DIAPH1: variants seen among roughly 807,000 people sequenced by gnomAD.
DIAPH1 encodes the protein protein diaphanous homolog 1.
Under a neutral mutation model 140.7 loss-of-function variants are expected in DIAPH1, and 46 were observed. That is an observed-to-expected ratio of 0.33 (90% CI 0.26 to 0.42). The LOEUF (loss-of-function observed/expected upper bound fraction) is 0.42. Ranked by LOEUF, DIAPH1 falls within the 10% of genes least tolerant of loss-of-function variation. The pLI is 1.00. For missense variants in DIAPH1, 1,310 were observed against 1,558.7 expected, an observed-to-expected ratio of 0.84 and a Z score of 2.69; for synonymous variants, 565 against 551.6, an observed-to-expected ratio of 1.02 and a Z score of -0.34.
At chr5:141,551,817 C>T (rs1018769651) in intron 18 of DIAPH1, among the ~76,000 whole-genome samples, 1 of 152,148 alleles carries the variant, frequency 6.6e-6, no homozygotes, top group Non-Finnish European at 1.5e-5. Flanking sequence ...TGGAGACATA[C>T]AGAACACTTC....
intron 1 of DIAPH1, among the ~76,000 whole-genome samples, chr5:141,606,203 T>C (rs2099900923): frequency 6.6e-6 from 1 of 152,192 alleles, no homozygotes; most frequent in Non-Finnish European, 1.5e-5. Flanking sequence ...GTACTTTTTG[T>C]GGATATCCAG....
chr5:141,523,978 C>T (rs756810583), intron 27 of DIAPH1, among the ~76,000 whole-genome samples, 165 bp downstream of exon 27: 2 of 151,804 alleles, frequency 1.3e-5, no homozygotes, highest in African/African-American at 2.4e-5. Context: ...TTTTCTAAGT[C>T]GCTACTCTGT....
rs1396287555 is a variant in DIAPH1 at position 141,597,854 on chromosome 5, C to A, written c.118-9604G>T. ...ACTGTCAAGGATACTCATTCCCACA[C>A]CACAGAACTTTCCCGCTTTGACTTA... On this transcript the variant is annotated intron_variant, in intron 1 of 27. Transcript: ENST00000389054. Among the ~76,000 whole-genome samples the A allele has an allele frequency of 2.6e-5, 4 of 152,330 alleles. No homozygotes were observed. The East Asian group carries it at 7.7e-4, about 29-fold the overall frequency.
intron 18 of DIAPH1, among the ~76,000 whole-genome samples, chr5:141,540,180 G>C (rs1205919417): frequency 6.6e-6 from 1 of 151,738 alleles, no homozygotes; most frequent in Non-Finnish European, 1.5e-5. Flanking sequence ...GCAGTGACAT[G>C]ATCTCAGCCC....
At chr5:141,541,759 C>A (rs1271129071) in intron 18 of DIAPH1, among the ~76,000 whole-genome samples, 1 of 149,782 alleles carries the variant, frequency 6.7e-6, no homozygotes, top group Non-Finnish European at 1.5e-5. Flanking sequence ...AAATAAAGTA[C>A]CATAAGACAA....
chr5:141,557,202 T>C (rs2099892742), intron 18 of DIAPH1, among the ~76,000 whole-genome samples: 1 of 152,246 alleles, frequency 6.6e-6, no homozygotes, highest in African/African-American at 2.4e-5. Flanking sequence ...ATAAAGAATT[T>C]TTTAAATGTG....
At chr5:141,570,506 C>A (rs1055035589) in intron 18 of DIAPH1, among the ~76,000 whole-genome samples, 1 of 152,066 alleles carries the variant, frequency 6.6e-6, no homozygotes, top group Non-Finnish European at 1.5e-5. Flanking sequence ...TAGATACACA[C>A]ACACACATAT....
At chr5:141,548,754 C>A (rs2099891216) in intron 18 of DIAPH1, among the ~76,000 whole-genome samples, 2 of 152,028 alleles carry the variant, frequency 1.3e-5, no homozygotes, top group Non-Finnish European at 2.9e-5. Context: ...CTGCAGTGAG[C>A]CACAATCATG....
chr5:141,518,088 C>T (rs1007481017), intron 27 of DIAPH1, among the ~76,000 whole-genome samples: 1 of 152,174 alleles, frequency 6.6e-6, no homozygotes. Flanking sequence ...ATGTCCAGCA[C>T]AGGCAAACCC....
rs753274207 is a variant in DIAPH1, at chr5:141,566,068, G to T, written c.2482+5360C>A. Among the ~76,000 whole-genome samples the T allele has an allele frequency of 1.1e-3, 169 of 152,224 alleles. 4 individuals are homozygous for T. The highest frequency in any genetic ancestry group is 4.4e-4 in the Non-Finnish European group (30 of 68,038). On this transcript the variant is annotated intron_variant, in intron 18 of 27. Coordinates refer to ENST00000389054, the MANE Select transcript of DIAPH1 (RefSeq NM_005219.5). ...ATTAACCAAGAAATTTTAGCTCAGG[G>T]AAAGAGTGAAGTCATCAGAAAGTGA...
At chr5:141,543,589 T>C (rs1462276766) in intron 18 of DIAPH1, among the ~76,000 whole-genome samples, 1 of 152,202 alleles carries the variant, frequency 6.6e-6, no homozygotes, top group Non-Finnish European at 1.5e-5. Flanking sequence ...ATTATCAACA[T>C]TATAAAACTG....
intron 18 of DIAPH1, among the ~76,000 whole-genome samples, chr5:141,556,737 G>T (rs1429623286): frequency 6.6e-6 from 1 of 152,058 alleles, no homozygotes; most frequent in Non-Finnish European, 1.5e-5. Flanking sequence ...TGTCACCCAG[G>T]CTTGAGTGCA....
At position 141,572,262 on chromosome 5, in the gene DIAPH1, T is replaced by C. The variant is rs138911103; in HGVS notation, c.2359-222A>G. On this transcript the variant is annotated intron_variant, in intron 16 of 27. Transcript: ENST00000389054. ...TATTCAAGAACTAGATTCATATATA[T>C]ACTACGTATCCTCCTCCTAACTCCA... Among the ~76,000 whole-genome samples the C allele has an allele frequency of 3.7e-3, 568 of 152,336 alleles. 5 individuals are homozygous for C. Among genetic ancestry groups the C allele is most frequent in the Admixed American group, 0.011 (162 of 15,306 alleles).
intron 7 of DIAPH1, among the ~76,000 whole-genome samples, chr5:141,581,581 G>C (rs548460894): frequency 6.6e-6 from 1 of 152,326 alleles, no homozygotes; most frequent in South Asian, 2.1e-4. Flanking sequence ...ATTAAACAAT[G>C]AGGAAGAGAG....
intron 1 of DIAPH1, among the ~76,000 whole-genome samples, chr5:141,593,559 A>C (rs1596398484): frequency 6.6e-6 from 1 of 152,214 alleles, no homozygotes; most frequent in Admixed American, 6.5e-5. Context: ...ATCACTTCAG[A>C]GCTCCATTGT....
intron 2 of DIAPH1, chr5:141,587,418 AAAGTATT>A: frequency 1.7e-6 from 1 of 583,384 alleles, no homozygotes; most frequent in Non-Finnish European, 3.0e-6. Context: ...TAAGAGGACC[AAAGTATT>A]AAGATTTCAA....
intron 1 of DIAPH1, among the ~76,000 whole-genome samples, chr5:141,606,961 T>TAAA: frequency 8.6e-6 from 1 of 116,394 alleles, no homozygotes; most frequent in African/African-American, 3.2e-5. Context: ...CCAAGGCTAT[T>TAAA]AAAAAAAAAA....
intron 1 of DIAPH1, among the ~76,000 whole-genome samples, chr5:141,608,784 C>T (rs1178600306): frequency 6.6e-6 from 1 of 152,152 alleles, no homozygotes; most frequent in East Asian, 1.9e-4. Flanking sequence ...TGGTTATTAG[C>T]CATTTGCAAT....
Position 141,526,033 on chromosome 5 carries a change from C to T in DIAPH1, c.3574+5G>A. 1 of 1,613,974 alleles carries T rather than the reference C, an allele frequency of 6.2e-7. No homozygotes were observed. On this transcript the variant is annotated splice_donor_5th_base_variant and intron_variant, in intron 26 of 27. Coordinates refer to ENST00000389054, the MANE Select transcript of DIAPH1 (RefSeq NM_005219.5). ...TCAGCCCATCAACCCGTCTTCACTCCTCACCTGCATTCATGTCTATGAGTT... is the reference window on the plus strand; with the variant it reads ...TCAGCCCATCAACCCGTCTTCACTCTTCACCTGCATTCATGTCTATGAGTT...
Sources: gnomAD v4.1 joint callset for allele counts (sites outside exome capture counted in the v4.1 genomes callset) on GRCh38, gnomAD v4.1.1 for gene constraint, MANE v1.5 for transcripts, NCBI Gene and HGNC (gene_info 2026-07-23, HGNC 2026-07-21) for gene names.